Variants in CSNK1G1 observed in about 807,000 individuals in gnomAD.
The protein encoded by CSNK1G1 is casein kinase 1 gamma 1, also known as casein kinase I isoform gamma-1.
CSNK1G1 carries 22 observed loss-of-function variants against 59.6 expected under a neutral mutation model. That is an observed-to-expected ratio of 0.37 (90% CI 0.26 to 0.53). The LOEUF is 0.53. Among genes scored for constraint, CSNK1G1 ranks in the 20% least tolerant of loss-of-function variants. CSNK1G1 has a pLI of 0.89. For missense variants in CSNK1G1, 384 were observed against 519.5 expected (o/e 0.74, Z 2.54); for synonymous variants, 179 against 177.1 (o/e 1.01, Z -0.08).
intron 10 of CSNK1G1, among the ~76,000 whole-genome samples, chr15:64,196,544 C>T (rs149049460): frequency 3.3e-5 from 5 of 152,102 alleles, no homozygotes; most frequent in African/African-American, 9.6e-5. Flanking sequence ...CTCTGCCTCC[C>T]GGGTTCAAGT....
At chr15:64,238,800 G>A (rs1292250584) in intron 4 of CSNK1G1, among the ~76,000 whole-genome samples, 2 of 151,688 alleles carry the variant, frequency 1.3e-5, no homozygotes, top group East Asian at 3.9e-4. Flanking sequence ...ATTCACAGCT[G>A]GAACCCAACC....
In CSNK1G1 at chr15:64,297,905, G is replaced by A. The variant is rs76319346; in HGVS notation, c.181+2414C>T. On this transcript the variant is annotated intron_variant, in intron 2 of 11. Coordinates refer to ENST00000303052, the MANE Select transcript of CSNK1G1 (RefSeq NM_022048.5). ...AGAAAATGACGGAATGGGGTATGCAGCCCACTCTATTGTCAGGAAGATGCC... is the reference window on the plus strand; with the variant it reads ...AGAAAATGACGGAATGGGGTATGCAACCCACTCTATTGTCAGGAAGATGCC... Among the ~76,000 whole-genome samples, 165 of 152,264 alleles carry A rather than the reference G, an allele frequency of 1.1e-3. 2 individuals carry two copies. Among genetic ancestry groups the A allele is most frequent in the African/African-American group, 3.8e-3 (158 of 41,536 alleles).
chr15:64,174,013 C>T (rs575037738), intron 11 of CSNK1G1, among the ~76,000 whole-genome samples: 3 of 152,308 alleles, frequency 2.0e-5, no homozygotes, highest in Admixed American at 1.3e-4. Context: ...ATCTCTATTT[C>T]AATAGACTTA....
At chr15:64,314,949 CA>C (rs1453358960) in intron 1 of CSNK1G1, among the ~76,000 whole-genome samples, 1 of 152,158 alleles carries the variant, frequency 6.6e-6, no homozygotes, top group Admixed American at 6.5e-5. Context: ...AGAAAGCAGA[CA>C]TCTCTTCAAC....
At chr15:64,203,589 C>T (rs1015694616) in intron 9 of CSNK1G1, among the ~76,000 whole-genome samples, 1 of 148,606 alleles carries the variant, frequency 6.7e-6, no homozygotes, top group Non-Finnish European at 1.5e-5. Flanking sequence ...CCCAGCTACT[C>T]GGGATGCTGA....
chr15:64,299,198 G>A (rs539730340), intron 2 of CSNK1G1, among the ~76,000 whole-genome samples: 1 of 151,500 alleles, frequency 6.6e-6, no homozygotes, highest in Non-Finnish European at 1.5e-5. Flanking sequence ...TAGCCTAAAA[G>A]ATGACCTTTC....
intron 2 of CSNK1G1, among the ~76,000 whole-genome samples, chr15:64,266,871 T>C (rs1893015928): frequency 6.6e-6 from 1 of 152,078 alleles, no homozygotes; most frequent in African/African-American, 2.4e-5. Flanking sequence ...TCAAAATGAA[T>C]TAAAGACTTA....
intron 1 of CSNK1G1, among the ~76,000 whole-genome samples, chr15:64,327,195 C>G (rs1896895005): frequency 6.6e-6 from 1 of 152,238 alleles, no homozygotes; most frequent in Non-Finnish European, 1.5e-5. Context: ...GCCTGCCTGC[C>G]TCTTTAGGCT....
chr15:64,306,759 A>G (rs76335049), intron 1 of CSNK1G1, among the ~76,000 whole-genome samples: 5,376 of 152,322 alleles, frequency 0.035, 137 homozygotes, highest in Non-Finnish European at 0.057. Flanking sequence ...ATGAATAAAC[A>G]AATTTGTGGT....
chr15:64,305,492 G>C (rs764021374), intron 1 of CSNK1G1, among the ~76,000 whole-genome samples: 1 of 151,974 alleles, frequency 6.6e-6, no homozygotes, highest in Non-Finnish European at 1.5e-5. Flanking sequence ...ACAGTGGGGA[G>C]AATCACTTGA....
At chr15:64,270,148 T>A (rs1377887913) in intron 2 of CSNK1G1, among the ~76,000 whole-genome samples, 1 of 152,194 alleles carries the variant, frequency 6.6e-6, no homozygotes, top group African/African-American at 2.4e-5. Context: ...AGTGGTAACA[T>A]CCCCTTCATA....
chr15:64,300,286 T>A, intron 2 of CSNK1G1, 33 bp downstream of exon 2: 1 of 1,594,680 alleles, frequency 6.3e-7, no homozygotes. Flanking sequence ...GTATTGTTGT[T>A]AGTAGAAGTC....
intron 1 of CSNK1G1, among the ~76,000 whole-genome samples, chr15:64,334,293 C>T (rs533987557): frequency 6.6e-6 from 1 of 152,202 alleles, no homozygotes; most frequent in Admixed American, 6.5e-5. Flanking sequence ...GCTGGGATTA[C>T]AGGAGTGAGC....
chr15:64,184,327 A>G (rs550495182), intron 10 of CSNK1G1, among the ~76,000 whole-genome samples: 1 of 151,730 alleles, frequency 6.6e-6, no homozygotes, highest in South Asian at 2.1e-4. Context: ...TAAATAAATA[A>G]ATTTTTAGTA....
chr15:64,356,052 G>C lies in CSNK1G1; in HGVS notation c.-289C>G, dbSNP rs1287587548. On this transcript the variant is annotated 5_prime_UTR_variant, in exon 1 of 12. Transcript: ENST00000303052. Reference sequence around the variant, plus strand: ...CGGTCCCCTCCCCGAGGCGCCAAGTGCTTCTCTACCCACCCGCAGCGGTGG... The same window carrying C: ...CGGTCCCCTCCCCGAGGCGCCAAGTCCTTCTCTACCCACCCGCAGCGGTGG... 1.3e-5 allele frequency: 2 copies of C among 152,256 alleles called. No homozygotes were observed. Among genetic ancestry groups the C allele is most frequent in the African/African-American group, 4.8e-5 (2 of 41,446 alleles). The allele number at this position is 152,256 out of a possible 1,614,324, so 9.4% of individuals were successfully genotyped here. A position where few individuals can be genotyped will look rare whatever the true frequency, so the allele number is the denominator to read the frequency against.
At chr15:64,322,888 T>C (rs1297856164) in intron 1 of CSNK1G1, among the ~76,000 whole-genome samples, 1 of 151,828 alleles carries the variant, frequency 6.6e-6, no homozygotes, top group Admixed American at 6.6e-5. Context: ...ACTTTAATCA[T>C]AACATTGTAA....
intron 1 of CSNK1G1, among the ~76,000 whole-genome samples, chr15:64,308,880 G>C (rs944559751): frequency 7.4e-6 from 1 of 134,398 alleles, no homozygotes; most frequent in South Asian, 2.7e-4. Flanking sequence ...CTGGGCGACA[G>C]AGTGAGACTC....
At chr15:64,225,346 C>T (rs907868967) in intron 4 of CSNK1G1, among the ~76,000 whole-genome samples, 1 of 152,066 alleles carries the variant, frequency 6.6e-6, no homozygotes, top group Non-Finnish European at 1.5e-5. Context: ...AGGAAAACCC[C>T]ACCTGTCCAC....
chr15:64,312,132 T>C (rs1896029461), intron 1 of CSNK1G1, among the ~76,000 whole-genome samples: 1 of 152,208 alleles, frequency 6.6e-6, no homozygotes, highest in Non-Finnish European at 1.5e-5. Flanking sequence ...AAACATTCCA[T>C]GCTCATGGAG....
Sources: allele counts gnomAD v4.1 joint callset (sites outside exome capture counted in the v4.1 genomes callset), GRCh38; gene constraint gnomAD v4.1.1; transcripts MANE v1.5; gene names NCBI Gene and HGNC (gene_info 2026-07-23, HGNC 2026-07-21).